RYR2: variants seen among roughly 807,000 people sequenced by gnomAD.
RYR2 encodes ryanodine receptor 2.
In RYR2, 227 loss-of-function variants were observed where a neutral mutation model predicts 601.1. The observed-to-expected ratio is 0.38, with a 90% CI of 0.34 to 0.42. RYR2 has a LOEUF of 0.42. RYR2 is among the 10% of genes least tolerant of loss of function. The probability of loss-of-function intolerance (pLI) is 1.00; values close to 1 mark genes in which losing one functional copy is unlikely to be tolerated. For missense variants in RYR2, 4,646 were observed against 6,156.5 expected, an observed-to-expected ratio of 0.75 and a Z score of 8.21; for synonymous variants, 2,223 against 2,175.1, an observed-to-expected ratio of 1.02 and a Z score of -0.61.
intron 3 of RYR2, among the ~76,000 whole-genome samples, chr1:237,346,184 G>A (rs1572674714): frequency 6.6e-6 from 1 of 151,960 alleles, no homozygotes; most frequent in East Asian, 1.9e-4. Context: ...TGGGCAACAT[G>A]GCGAGACTCT....
chr1:237,213,209 G>A (rs567795847), intron 1 of RYR2, among the ~76,000 whole-genome samples: 373 of 151,730 alleles, frequency 2.5e-3, no homozygotes, highest in Non-Finnish European at 3.9e-3. Context: ...ACAGAGTCTC[G>A]CTCTGTCATC....
intron 1 of RYR2, among the ~76,000 whole-genome samples, chr1:237,133,668 G>C (rs1465190176): frequency 6.6e-6 from 1 of 151,952 alleles, no homozygotes; most frequent in Non-Finnish European, 1.5e-5. Flanking sequence ...GTGGGAGTCG[G>C]CCAGGCATGG....
At chr1:237,204,963 T>C (rs1478088415) in intron 1 of RYR2, among the ~76,000 whole-genome samples, 2 of 152,088 alleles carry the variant, frequency 1.3e-5, no homozygotes, top group African/African-American at 4.8e-5. Context: ...ATCAGGGTAA[T>C]GAGCCTCAGC....
At chr1:237,355,355 G>T (rs1181850999) in intron 3 of RYR2, among the ~76,000 whole-genome samples, 1 of 152,068 alleles carries the variant, frequency 6.6e-6, no homozygotes, top group Non-Finnish European at 1.5e-5. Context: ...TACAGTGTGG[G>T]TATGATTATA....
In RYR2 at chr1:237,492,061, C is replaced by A. The variant is rs546186687; in HGVS notation, c.1827+137C>A. On this transcript the variant is annotated intron_variant, in intron 18 of 104. Coordinates refer to ENST00000366574, the MANE Select transcript of RYR2 (RefSeq NM_001035.3). ...TCTTAATTATTTTTTGAGATGCAGT[C>A]GAGCTCTGTCGCCCAGGCTGGAGTG... The A allele has an allele frequency of 2.0e-5, 11 of 553,468 alleles. No individual in the cohort carries two copies. In the East Asian group the frequency reaches 3.4e-4, roughly 17 times the overall value. 34.3% of individuals were successfully genotyped at this position (553,468 alleles called of 1,614,324 possible). A position where few individuals can be genotyped will look rare whatever the true frequency, so the allele number is the denominator to read the frequency against.
intron 12 of RYR2, among the ~76,000 whole-genome samples, chr1:237,433,880 T>A (rs1334685141): frequency 4.6e-5 from 7 of 152,144 alleles, no homozygotes; most frequent in Admixed American, 1.3e-4. Flanking sequence ...TTAAAAAAAA[T>A]GATGTAACAT....
intron 1 of RYR2, among the ~76,000 whole-genome samples, chr1:237,262,244 A>ATTTTTTTTTT (rs1688596732): frequency 1.7e-4 from 6 of 35,540 alleles, no homozygotes; most frequent in Admixed American, 3.9e-4. Flanking sequence ...TGTTCTAAAG[A>ATTTTTTTTTT]GTTTTTTTTT....
rs545082796 is a variant in RYR2, at chr1:237,118,940, C to CA, written c.48+76379dup. On this transcript the variant is annotated intron_variant, in intron 1 of 104. Transcript: ENST00000366574. ...CGTGAAAAAGGAAAAACCCCTTGTG[C>CA]AAAAAAAATGAATTTTAGAATGAAA... 6.8e-4 allele frequency among the ~76,000 whole-genome samples: 102 copies of CA among 151,082 alleles called. 1 individual carries two copies. The highest frequency in any genetic ancestry group is 5.0e-3 in the South Asian group (24 of 4,774).
intron 12 of RYR2, among the ~76,000 whole-genome samples, chr1:237,435,281 T>C (rs949412993): frequency 6.6e-6 from 1 of 152,194 alleles, no homozygotes; most frequent in Non-Finnish European, 1.5e-5. Flanking sequence ...TGTATGGAGT[T>C]AAGATGCTGT....
intron 84 of RYR2, among the ~76,000 whole-genome samples, chr1:237,768,850 G>A (rs758563053): frequency 3.3e-5 from 5 of 152,120 alleles, no homozygotes; most frequent in Admixed American, 6.6e-5. Context: ...GGCCTGACTC[G>A]TCCCCTCCCT....
rs551099887 is a variant in RYR2 at position 237,423,135 on chromosome 1, C to T, written c.892C>T (p.Arg298Cys). ...HIRWGQPFRLRHVTTGKYLSL... is the reference protein window; with the variant it reads ...HIRWGQPFRLCHVTTGKYLSL... ...AAGATGGGGACAGCCATTCCGACTA[C>T]GCCATGTCACAACAGGAAAATACTT... The change falls in exon 12 of 105, where the codon CGC becomes TGC. Residue 298 changes from arginine to cysteine, a missense_variant. By Grantham distance (180) the Arg-to-Cys change is radical (BLOSUM62 -3). Around this residue, in one of 17 missense-constraint regions of RYR2, gnomAD observed 1,807 missense variants for 2,088.1 expected, o/e 0.87. Transcript: ENST00000366574. 92 of 1,613,852 alleles carry T rather than the reference C, an allele frequency of 5.7e-5. 1 individual carries two copies. The African/African-American group carries it at 7.5e-4, about 13-fold the overall frequency.
chr1:237,614,944 G>A lies in RYR2; in HGVS notation c.5715+101G>A. The stretch of plus-strand genomic sequence containing the variant: ...TCTCTGTGTGTGTGTTTATTTCTTT[G>A]CATTCCTGTGTAATGGTAGTTCTTC... On this transcript the variant is annotated intron_variant, in intron 37 of 104. Coordinates refer to ENST00000366574, the MANE Select transcript of RYR2 (RefSeq NM_001035.3). This position sits in a 1 kb window ranked among gnomAD's most constrained non-coding sequence, Gnocchi z 4.3. 1.7e-6 allele frequency: 2 copies of A among 1,197,332 alleles called. No individual in the cohort carries two copies. The highest frequency in any genetic ancestry group is 2.5e-5 in the East Asian group (1 of 39,476). 74.2% of individuals were successfully genotyped at this position (1,197,332 alleles called of 1,614,324 possible).
At chr1:237,386,939 G>GA (rs1328563397) in intron 8 of RYR2, among the ~76,000 whole-genome samples, 2 of 152,168 alleles carry the variant, frequency 1.3e-5, no homozygotes, top group African/African-American at 4.8e-5. Context: ...GTGATATGTA[G>GA]AAAACCTAAT....
intron 10 of RYR2, among the ~76,000 whole-genome samples, 167 bp downstream of exon 10, chr1:237,388,350 C>T (rs1240338250): frequency 6.6e-6 from 1 of 152,264 alleles, no homozygotes; most frequent in East Asian, 1.9e-4. Flanking sequence ...TTAGCTTTTT[C>T]TCATGTTATA....
intron 29 of RYR2, among the ~76,000 whole-genome samples, chr1:237,576,428 A>G (rs939743342): frequency 1.1e-4 from 17 of 152,176 alleles, no homozygotes; most frequent in Admixed American, 1.1e-3. Context: ...CATAAAGTAG[A>G]GATGCCAGAA....
intron 101 of RYR2, among the ~76,000 whole-genome samples, chr1:237,827,738 A>G (rs993688363): frequency 4.0e-4 from 61 of 151,970 alleles, no homozygotes; most frequent in African/African-American, 1.5e-3. Context: ...GGAGATCGAG[A>G]CCATCCTGGC....
At position 237,595,549 on chromosome 1, in the gene RYR2, C is replaced by T. The variant is rs370082063; in HGVS notation, c.4488C>T (p.Pro1496=). Residue 1496 remains proline (P), a synonymous_variant, in exon 34 of 105, where the codon CCC becomes CCT. Coordinates refer to ENST00000366574, the MANE Select transcript of RYR2 (RefSeq NM_001035.3). ...YMVCAGESMS[P]GQGRNNNGLE... Reference sequence around the variant, plus strand: ...TATGTGCGGGTGAGAGCATGAGCCCCGGGCAAGGACGCAACAATAATGGAC... The same window carrying T: ...TATGTGCGGGTGAGAGCATGAGCCCTGGGCAAGGACGCAACAATAATGGAC... The T allele has an allele frequency of 6.8e-5, 109 of 1,613,562 alleles. No homozygotes were observed. Among genetic ancestry groups the T allele is most frequent in the Non-Finnish European group, 8.1e-5 (95 of 1,179,700 alleles).
At chr1:237,311,858 T>C (rs898888743) in intron 2 of RYR2, among the ~76,000 whole-genome samples, 4 of 152,198 alleles carry the variant, frequency 2.6e-5, no homozygotes, top group African/African-American at 9.7e-5. Flanking sequence ...GGGAAAACAC[T>C]TACTCTTATC....
At chr1:237,826,623 C>A (rs992420392) in intron 101 of RYR2, among the ~76,000 whole-genome samples, 1 of 147,526 alleles carries the variant, frequency 6.8e-6, no homozygotes, top group African/African-American at 2.5e-5. Context: ...TGCACGTGTA[C>A]CCCAGAACTT....
Sources: allele counts gnomAD v4.1 joint callset (sites outside exome capture counted in the v4.1 genomes callset), GRCh38; gene constraint gnomAD v4.1.1; regional missense constraint gnomAD v4.1.1; non-coding constraint Gnocchi (gnomAD v3.1); transcripts MANE v1.5; gene names NCBI Gene and HGNC (gene_info 2026-07-23, HGNC 2026-07-21).